The following BMP6 variants were observed in gnomAD, a reference collection of about 807,000 sequenced individuals.
BMP6 encodes VG-1-R.
A neutral mutation model predicts 54.1 loss-of-function variants in BMP6; 17 were observed. The ratio of observed to expected loss-of-function variants is 0.31; its 90% CI spans 0.22 to 0.47. The LOEUF is 0.47. Among genes scored for constraint, BMP6 ranks in the 20% least tolerant of loss-of-function variants. The pLI, the probability that BMP6 is intolerant of heterozygous loss-of-function variation, is 1.00. For missense variants in BMP6, 720 were observed against 690.4 expected, an observed-to-expected ratio of 1.04 and a Z score of -0.48; for synonymous variants, 328 against 291.2, an observed-to-expected ratio of 1.13 and a Z score of -1.28.
intron 1 of BMP6, among the ~76,000 whole-genome samples, chr6:7,811,332 G>A (rs963522685): frequency 5.3e-5 from 8 of 152,158 alleles, no homozygotes; most frequent in Admixed American, 6.5e-5. Flanking sequence ...CTAGGTGCAC[G>A]GCTTCCCAAG....
At chr6:7,816,270 A>C (rs1758524771) in intron 1 of BMP6, among the ~76,000 whole-genome samples, 1 of 152,240 alleles carries the variant, frequency 6.6e-6, no homozygotes, top group South Asian at 2.1e-4. Context: ...GTAGTGGAAG[A>C]GAATGGAGTT....
intron 4 of BMP6, among the ~76,000 whole-genome samples, chr6:7,863,763 A>G (rs1759373703): frequency 6.6e-6 from 1 of 152,156 alleles, no homozygotes; most frequent in Admixed American, 6.5e-5. Flanking sequence ...TCATGCCTAT[A>G]ATCCTCACAC....
At chr6:7,747,705 G>A (rs147259473) in intron 1 of BMP6, among the ~76,000 whole-genome samples, 7 of 152,236 alleles carry the variant, frequency 4.6e-5, no homozygotes, top group South Asian at 2.1e-4. Context: ...GGAGTGCAGC[G>A]GTACAATAAT....
At chr6:7,830,658 C>T (rs1758779292) in intron 1 of BMP6, among the ~76,000 whole-genome samples, 2 of 152,202 alleles carry the variant, frequency 1.3e-5, no homozygotes, top group Non-Finnish European at 2.9e-5. Flanking sequence ...CTCACAGTTC[C>T]ACATGACTGG....
At chr6:7,868,502 A>G (rs1759465541) in intron 4 of BMP6, among the ~76,000 whole-genome samples, 1 of 152,252 alleles carries the variant, frequency 6.6e-6, no homozygotes, top group Non-Finnish European at 1.5e-5. Flanking sequence ...TGGGGCCGAT[A>G]AGGCCCAGAG....
intron 4 of BMP6, among the ~76,000 whole-genome samples, chr6:7,871,552 A>G (rs940442522): frequency 2.6e-5 from 4 of 152,224 alleles, no homozygotes; most frequent in Admixed American, 6.5e-5. Context: ...TGCTTGTCCA[A>G]GTTGCCCTGG....
intron 1 of BMP6, among the ~76,000 whole-genome samples, chr6:7,820,849 G>C (rs1275538983): frequency 1.3e-5 from 2 of 152,212 alleles, no homozygotes; most frequent in African/African-American, 4.8e-5. Context: ...TTCTACCTCA[G>C]ATCACCAGGC....
intron 1 of BMP6, among the ~76,000 whole-genome samples, chr6:7,832,579 G>A (rs931698920): frequency 2.0e-4 from 30 of 152,070 alleles, no homozygotes; most frequent in Non-Finnish European, 3.4e-4. Flanking sequence ...TACCCATTGC[G>A]TATTGCAAGT....
intron 1 of BMP6, among the ~76,000 whole-genome samples, chr6:7,808,717 C>T (rs977263029): frequency 1.3e-5 from 2 of 151,826 alleles, no homozygotes; most frequent in Admixed American, 6.6e-5. Flanking sequence ...AGTTTGAGAC[C>T]AGCCTGGGTA....
intron 4 of BMP6, among the ~76,000 whole-genome samples, chr6:7,873,555 C>G (rs973223010): frequency 2.0e-5 from 3 of 152,144 alleles, no homozygotes; most frequent in Non-Finnish European, 4.4e-5. Flanking sequence ...TCATTGGTCA[C>G]ATGATTGAAC....
intron 1 of BMP6, among the ~76,000 whole-genome samples, chr6:7,798,801 C>G (rs1050748378): frequency 9.2e-5 from 14 of 152,174 alleles, no homozygotes; most frequent in African/African-American, 2.4e-4. Context: ...TTCCCTTAGA[C>G]TTAGACTTTG....
At chr6:7,859,314 C>A (rs942231342) in intron 2 of BMP6, among the ~76,000 whole-genome samples, 7 of 64,812 alleles carry the variant, frequency 1.1e-4, no homozygotes, top group African/African-American at 2.9e-4. Flanking sequence ...GCTACCCTCA[C>A]GCTTTGAACT....
chr6:7,857,510 T>C (rs1469209646), intron 2 of BMP6, among the ~76,000 whole-genome samples: 1 of 152,240 alleles, frequency 6.6e-6, no homozygotes. Flanking sequence ...CTTGAGAGTA[T>C]GTCACCTCAA....
chr6:7,727,289 G>GAGCAGCAGCAGC lies in BMP6; in HGVS notation c.344_355dup (p.Gln115_Gln118dup), dbSNP rs537332654. On this transcript the variant is annotated inframe_insertion, in exon 1 of 7. Transcript: ENST00000283147. ...GCCCCCGGCGCTCCGGCAGCAGGAGGAGCAGCAGCAGCAGCAGCAGCTGCC... is the reference window on the plus strand; with the variant it reads ...GCCCCCGGCGCTCCGGCAGCAGGAGGAGCAGCAGCAGCAGCAGCAGCAGCAGCAGCAGCTGCC... The GAGCAGCAGCAGC allele has an allele frequency of 1.2e-5, 20 of 1,605,898 alleles. No homozygotes were observed. The South Asian group carries it at 2.0e-4, about 16-fold the overall frequency.
At chr6:7,731,299 G>A (rs1561752756) in intron 1 of BMP6, among the ~76,000 whole-genome samples, 1 of 152,162 alleles carries the variant, frequency 6.6e-6, no homozygotes, top group East Asian at 1.9e-4. Context: ...CCAATTTGGT[G>A]ACCTTGGAGA....
At position 7,861,604 on chromosome 6, in the gene BMP6, GTTA is replaced by G. The variant is rs1759336417; in HGVS notation, c.1006+10_1006+12del. 3.7e-6 allele frequency: 6 copies of G among 1,613,808 alleles called. No individual in the cohort carries two copies. In the South Asian group the frequency reaches 4.4e-5, roughly 12 times the overall value. ...TGAGCGTGGTGACAAGGGATGGTAA[GTTA>G]TTATCCGCAAGCCTCCAACGTCCAG... On this transcript the variant is annotated splice_donor_region_variant and intron_variant, in intron 3 of 6. Coordinates refer to ENST00000283147, the MANE Select transcript of BMP6 (RefSeq NM_001718.6).
intron 1 of BMP6, among the ~76,000 whole-genome samples, chr6:7,769,743 A>C (rs892934907): frequency 6.6e-6 from 1 of 151,484 alleles, no homozygotes; most frequent in Non-Finnish European, 1.5e-5. Context: ...TCAAACGACA[A>C]TCTATGATGT....
At chr6:7,812,504 CT>C (rs1253783399) in intron 1 of BMP6, among the ~76,000 whole-genome samples, 8 of 152,294 alleles carry the variant, frequency 5.3e-5, no homozygotes, top group African/African-American at 1.9e-4. Context: ...AGATACATTT[CT>C]TACACATACA....
chr6:7,727,097 G>T lies in BMP6; in HGVS notation c.142G>T (p.Gly48Trp). 7.3e-7 allele frequency: 1 copy of T among 1,366,122 alleles called. No individual in the cohort carries two copies. The highest frequency in any genetic ancestry group is 9.5e-7 in the Non-Finnish European group (1 of 1,056,636). 84.6% of individuals were successfully genotyped at this position (1,366,122 alleles called of 1,614,324 possible). Residue 48 changes from glycine to tryptophan, a missense_variant, in exon 1 of 7, where the codon GGG becomes TGG. This residue lies in a region of BMP6 where 650 missense variants were observed against 556.3 expected (regional missense o/e 1.17). Coordinates refer to ENST00000283147, the MANE Select transcript of BMP6 (RefSeq NM_001718.6). Reference protein sequence around the residue: ...AAGGQLLGDGGSPGRTEQPPP... With the variant: ...AAGGQLLGDGWSPGRTEQPPP... ...CGGGGGGCAGCTGCTGGGGGACGGC[G>T]GGAGCCCCGGCCGCACGGAGCAGCC...
Sources: allele counts gnomAD v4.1 joint callset (sites outside exome capture counted in the v4.1 genomes callset), GRCh38; gene constraint gnomAD v4.1.1; regional missense constraint gnomAD v4.1.1; transcripts MANE v1.5; gene names NCBI Gene and HGNC (gene_info 2026-07-23, HGNC 2026-07-21).